TRAPPC13: variants seen among roughly 807,000 people sequenced by gnomAD.
The protein encoded by TRAPPC13 is trafficking protein particle complex subunit 13, also known as REV7-interacting novel NHEJ regulator 1.
A neutral mutation model predicts 54.0 loss-of-function variants in TRAPPC13; 39 were observed. The observed-to-expected ratio is 0.72, with a 90% CI of 0.56 to 0.94. TRAPPC13 has a LOEUF of 0.94. Ranked by LOEUF, TRAPPC13 falls within the 40% of genes least tolerant of loss-of-function variation. The pLI is 0.00. For missense variants in TRAPPC13, 386 were observed against 488.1 expected (o/e 0.79, Z 1.97); for synonymous variants, 148 against 167.7 (o/e 0.88, Z 0.91).
At position 65,664,228 on chromosome 5, in the gene TRAPPC13, C is replaced by T. The variant is rs759751786; in HGVS notation, c.999-9C>T. ...AGATTTATTCCTATTATTCTGATTC[C>T]TCCAGCAGTGAAAGGACTATGGATC... On this transcript the variant is annotated splice_polypyrimidine_tract_variant and intron_variant, in intron 11 of 12. Coordinates refer to ENST00000399438, the MANE Select transcript of TRAPPC13 (RefSeq NM_024941.4). The T allele has an allele frequency of 4.3e-6, 7 of 1,612,244 alleles. No homozygotes were observed. The highest frequency in any genetic ancestry group is 1.1e-5 in the South Asian group (1 of 90,836).
intron 7 of TRAPPC13, chr5:65,652,841 G>A: frequency 2.6e-6 from 1 of 382,470 alleles, no homozygotes; most frequent in Non-Finnish European, 4.9e-6. Context: ...TGTTACACTA[G>A]CAATCTGTTG....
intron 11 of TRAPPC13, chr5:65,663,282 G>C (rs78392595): frequency 2.6e-5 from 4 of 152,016 alleles, no homozygotes; most frequent in African/African-American, 9.7e-5. Flanking sequence ...ATGTCTCTTA[G>C]ATCTTTAGTT....
intron 4 of TRAPPC13, among the ~76,000 whole-genome samples, chr5:65,639,052 C>A (rs1755869402): frequency 6.6e-6 from 1 of 152,092 alleles, no homozygotes; most frequent in Non-Finnish European, 1.5e-5. Context: ...CCACTGCACT[C>A]CAGGCTGCCT....
intron 11 of TRAPPC13, 130 bp downstream of exon 11, chr5:65,662,280 G>C: frequency 1.7e-6 from 1 of 572,072 alleles, no homozygotes. Flanking sequence ...TGTTGATATT[G>C]AGTACTGTAA....
intron 10 of TRAPPC13, 92 bp downstream of exon 10, chr5:65,660,989 T>A (rs1314836556): frequency 2.8e-6 from 3 of 1,078,484 alleles, no homozygotes; most frequent in Non-Finnish European, 4.0e-6. Flanking sequence ...CAGTAAAAAA[T>A]TGGAGCACTA....
At chr5:65,643,547 G>C (rs947615666) in intron 4 of TRAPPC13, among the ~76,000 whole-genome samples, 1 of 151,910 alleles carries the variant, frequency 6.6e-6, no homozygotes, top group Non-Finnish European at 1.5e-5. Flanking sequence ...GGCTGGGTGG[G>C]GTGGCTCATG....
At chr5:65,651,849 T>G (rs991988435) in intron 6 of TRAPPC13, among the ~76,000 whole-genome samples, 3 of 25,708 alleles carry the variant, frequency 1.2e-4, no homozygotes, top group African/African-American at 6.1e-4. Context: ...TCAGTTTTTT[T>G]TTTTTTTTTT....
At chr5:65,625,133 C>A in intron 1 of TRAPPC13, 27 bp downstream of exon 1, 1 of 1,601,542 alleles carries the variant, frequency 6.2e-7, no homozygotes, top group Non-Finnish European at 8.6e-7. Flanking sequence ...CTGATTCCCC[C>A]TTTTCTGTTT....
intron 1 of TRAPPC13, among the ~76,000 whole-genome samples, chr5:65,632,879 A>G (rs958092791): frequency 9.9e-5 from 15 of 152,240 alleles, no homozygotes; most frequent in African/African-American, 3.6e-4. Context: ...CACTTTCAAA[A>G]TAATGTCAGT....
chr5:65,657,147 C>T (rs774458531), intron 8 of TRAPPC13, among the ~76,000 whole-genome samples: 4 of 151,816 alleles, frequency 2.6e-5, no homozygotes, highest in East Asian at 3.9e-4. Context: ...TTTGGGAGGC[C>T]GAGGTGGGTG....
At position 65,625,051 on chromosome 5, in the gene TRAPPC13, G is replaced by C; in HGVS notation, c.-10G>C. ...CCCCCGTAGGCTGTGGGTCAAAAGT[G>C]CCGGTCAAAATGGAAGTGAATCCCC... is the stretch of plus-strand genomic sequence containing the variant. On this transcript the variant is annotated 5_prime_UTR_variant, in exon 1 of 13. Coordinates refer to ENST00000399438, the MANE Select transcript of TRAPPC13 (RefSeq NM_024941.4). The C allele has an allele frequency of 6.2e-7, 1 of 1,613,344 alleles. No homozygotes were observed. Among genetic ancestry groups the C allele is most frequent in the South Asian group, 1.1e-5 (1 of 91,016 alleles).
Position 65,647,211 on chromosome 5 carries a change from G to A in TRAPPC13, c.428+29G>A, listed in dbSNP as rs2150679595. The A allele has an allele frequency of 2.6e-6, 4 of 1,550,160 alleles. No individual in the cohort carries two copies. The African/African-American group carries it at 4.1e-5, about 16-fold the overall frequency. ...AGGATTAATTTTATTAGTTCTCAAAGGTTTTTACTTATATATGCCTTTGTT... is the reference window on the plus strand; with the variant it reads ...AGGATTAATTTTATTAGTTCTCAAAAGTTTTTACTTATATATGCCTTTGTT... On this transcript the variant is annotated intron_variant, in intron 5 of 12. Coordinates refer to ENST00000399438, the MANE Select transcript of TRAPPC13 (RefSeq NM_024941.4).
Position 65,652,339 on chromosome 5 carries a change from C to CTTTTTTTTTTTTTTT in TRAPPC13, c.502-159_502-145dup, listed in dbSNP as rs11354403. On this transcript the variant is annotated intron_variant, in intron 6 of 12. Coordinates refer to ENST00000399438, the MANE Select transcript of TRAPPC13 (RefSeq NM_024941.4). The stretch of plus-strand genomic sequence containing the variant: ...TACATTAGGGATTCTTTTTTCTTTT[C>CTTTTTTTTTTTTTTT]TTTTTTTTTTTTTTTTTGGAAGAAT... Among the ~76,000 whole-genome samples the CTTTTTTTTTTTTTTT allele has an allele frequency of 5.8e-4, 67 of 116,118 alleles. 1 individual carries two copies. The highest frequency in any genetic ancestry group is 7.5e-4 in the African/African-American group (24 of 31,846). 76.2% of individuals were successfully genotyped at this position (116,118 alleles called of 152,430 possible).
chr5:65,634,084 C>T (rs989132807), intron 1 of TRAPPC13, among the ~76,000 whole-genome samples: 1 of 146,730 alleles, frequency 6.8e-6, no homozygotes, highest in Non-Finnish European at 1.5e-5. Context: ...CTCCCGGCTT[C>T]ATGCCATTCT....
At chr5:65,649,652 G>C (rs1360144925) in intron 5 of TRAPPC13, among the ~76,000 whole-genome samples, 1 of 152,082 alleles carries the variant, frequency 6.6e-6, no homozygotes, top group Non-Finnish European at 1.5e-5. Flanking sequence ...CTGATGTTTT[G>C]AGTGATCTAT....
chr5:65,625,125 G>T lies in TRAPPC13; in HGVS notation c.46+19G>T, dbSNP rs1420090924. 2 of 1,607,490 alleles carry T rather than the reference G, an allele frequency of 1.2e-6. No homozygotes were observed. The highest frequency in any genetic ancestry group is 2.2e-5 in the East Asian group (1 of 44,848). On this transcript the variant is annotated intron_variant, in intron 1 of 12. Transcript: ENST00000399438. ...CTAAAAGGTAAACTTTTGCGAACCT[G>T]ATTCCCCCTTTTCTGTTTCCTTGCA...
chr5:65,635,572 A>C (rs1341673393), intron 2 of TRAPPC13, among the ~76,000 whole-genome samples: 2 of 152,260 alleles, frequency 1.3e-5, no homozygotes, highest in African/African-American at 2.4e-5. Context: ...TTATGTTGAT[A>C]TCCTATGGCA....
chr5:65,638,336 T>C (rs1399452157), intron 4 of TRAPPC13, among the ~76,000 whole-genome samples: 1 of 152,140 alleles, frequency 6.6e-6, no homozygotes, highest in Non-Finnish European at 1.5e-5. Flanking sequence ...CAAAGCTAAA[T>C]AGCAGTTTAG....
In TRAPPC13 at chr5:65,652,448, A is replaced by G. The variant is rs1032298819; in HGVS notation, c.502-53A>G. 3.9e-6 allele frequency: 5 copies of G among 1,275,956 alleles called. 1 individual carries two copies. The African/African-American group carries it at 7.4e-5, about 19-fold the overall frequency. The allele number at this position is 1,275,956 out of a possible 1,614,324, so 79.0% of individuals were successfully genotyped here. ...TTACACTATTTGATTTAAATAAATA[A>G]ATAAATGGTCACATGATAACAATCT... On this transcript the variant is annotated intron_variant, in intron 6 of 12. Transcript: ENST00000399438.
Sources: gnomAD v4.1 joint callset for allele counts (sites outside exome capture counted in the v4.1 genomes callset) on GRCh38, gnomAD v4.1.1 for gene constraint, MANE v1.5 for transcripts, NCBI Gene and HGNC (gene_info 2026-07-23, HGNC 2026-07-21) for gene names.